Variants in STK3 observed in about 807,000 individuals in gnomAD.
The protein encoded by STK3 is serine/threonine kinase 3.
In STK3, 41 loss-of-function variants were observed where a neutral mutation model predicts 58.0. The observed-to-expected ratio is 0.71, with a 90% CI of 0.55 to 0.92. The LOEUF (loss-of-function observed/expected upper bound fraction) is 0.92. Among genes scored for constraint, STK3 ranks in the 40% least tolerant of loss-of-function variants. The probability of loss-of-function intolerance (pLI) is 0.00; values close to 1 mark genes in which losing one functional copy is unlikely to be tolerated. For synonymous variants in STK3, 170 were observed against 191.0 expected (o/e 0.89, Z 0.91); for missense variants, 479 against 602.7 (o/e 0.79, Z 2.15).
chr8:98,841,074 C>G (rs185986320), intron 3 of STK3, among the ~76,000 whole-genome samples: 88 of 152,342 alleles, frequency 5.8e-4, no homozygotes, highest in African/African-American at 2.0e-3. Context: ...AGCATAGAGG[C>G]TGGCTTCATC....
intron 8 of STK3, among the ~76,000 whole-genome samples, chr8:98,563,823 A>G (rs1812255035): frequency 1.3e-5 from 2 of 152,312 alleles, no homozygotes; most frequent in Non-Finnish European, 2.9e-5. Context: ...AATCCAAAAT[A>G]TAAACTAATA....
At chr8:98,495,817 C>G (rs139355881) in intron 10 of STK3, among the ~76,000 whole-genome samples, 240 of 152,226 alleles carry the variant, frequency 1.6e-3, no homozygotes, top group Non-Finnish European at 2.8e-3. Context: ...TTTTGATAGA[C>G]TTAAAAATCT....
chr8:98,534,181 A>T (rs957801671), intron 9 of STK3, among the ~76,000 whole-genome samples: 13 of 152,232 alleles, frequency 8.5e-5, no homozygotes, highest in African/African-American at 3.1e-4. Context: ...CTCTCAACAC[A>T]ACTGTTTATC....
chr8:98,706,002 T>C (rs1825937835), intron 6 of STK3, among the ~76,000 whole-genome samples: 1 of 151,060 alleles, frequency 6.6e-6, no homozygotes. Context: ...TGCATAGTAA[T>C]ATTAGAAATT....
At chr8:98,698,394 G>C (rs1370747020) in intron 6 of STK3, among the ~76,000 whole-genome samples, 2 of 152,042 alleles carry the variant, frequency 1.3e-5, no homozygotes, top group Non-Finnish European at 2.9e-5. Context: ...GTGTGAATTT[G>C]ATCCTGTCAT....
intron 4 of STK3, among the ~76,000 whole-genome samples, chr8:98,717,110 T>A (rs1827078778): frequency 6.6e-6 from 1 of 151,780 alleles, no homozygotes. Flanking sequence ...GATACCAGAT[T>A]TGGTAATGAT....
At chr8:98,837,030 G>C (rs1835771759) in intron 3 of STK3, among the ~76,000 whole-genome samples, 1 of 152,060 alleles carries the variant, frequency 6.6e-6, no homozygotes, top group African/African-American at 2.4e-5. Context: ...GAAGGAGACT[G>C]AAAAAGGCAA....
At chr8:98,764,449 A>C (rs1355876326) in intron 3 of STK3, among the ~76,000 whole-genome samples, 1 of 152,246 alleles carries the variant, frequency 6.6e-6, no homozygotes, top group East Asian at 1.9e-4. Flanking sequence ...TGAAGAGAAG[A>C]ATAAAGATAG....
intron 10 of STK3, among the ~76,000 whole-genome samples, chr8:98,510,060 A>G (rs1268505555): frequency 6.6e-6 from 1 of 152,072 alleles, no homozygotes; most frequent in African/African-American, 2.4e-5. Flanking sequence ...AAGCTTTTAA[A>G]TGATCCTATC....
At chr8:98,372,360 G>A (rs953478679) in intron 2 of STK3, among the ~76,000 whole-genome samples, 4 of 152,184 alleles carry the variant, frequency 2.6e-5, no homozygotes, top group African/African-American at 9.7e-5. Flanking sequence ...AGAGCCTTAT[G>A]CCTCAGCCAT....
chr8:98,766,891 G>A (rs1830982520), intron 3 of STK3, among the ~76,000 whole-genome samples: 1 of 152,226 alleles, frequency 6.6e-6, no homozygotes, highest in Non-Finnish European at 1.5e-5. Flanking sequence ...GGGAGGCCAA[G>A]GCGGGTGGAT....
intron 7 of STK3, among the ~76,000 whole-genome samples, chr8:98,592,185 C>T (rs951176261): frequency 4.6e-5 from 7 of 152,188 alleles, no homozygotes; most frequent in African/African-American, 9.7e-5. Context: ...TGAGGCATCT[C>T]ATCCTAGGCA....
intron 10 of STK3, among the ~76,000 whole-genome samples, chr8:98,464,473 C>T (rs192138134): frequency 8.3e-6 from 1 of 120,378 alleles, no homozygotes; most frequent in African/African-American, 3.2e-5. Flanking sequence ...TTTAGATATA[C>T]ATAAACAGGC....
intron 9 of STK3, among the ~76,000 whole-genome samples, chr8:98,544,349 T>C (rs1810521677): frequency 1.3e-5 from 2 of 152,198 alleles, no homozygotes; most frequent in African/African-American, 4.8e-5. Context: ...TTTAAACTGT[T>C]TCCTTCCTGT....
intron 10 of STK3, among the ~76,000 whole-genome samples, chr8:98,474,193 G>T (rs548162182): frequency 1.3e-4 from 20 of 152,086 alleles, no homozygotes; most frequent in Admixed American, 1.3e-4. Context: ...CATCTCCCCA[G>T]TCAAAGCCCT....
At chr8:98,453,676 C>T (rs991117419), downstream of STK3, among the ~76,000 whole-genome samples, 2 of 152,248 alleles carry the variant, frequency 1.3e-5, no homozygotes, top group Non-Finnish European at 2.9e-5. Flanking sequence ...GGAGGACTCT[C>T]GAGATTGAAT....
intron 8 of STK3, among the ~76,000 whole-genome samples, chr8:98,554,899 A>G (rs1811479251): frequency 1.3e-5 from 2 of 152,226 alleles, no homozygotes; most frequent in South Asian, 4.2e-4. Flanking sequence ...TTTCAAAATT[A>G]TATTTCACTT....
intron 3 of STK3, among the ~76,000 whole-genome samples, chr8:98,877,772 C>T (rs1232200634): frequency 6.6e-6 from 1 of 151,910 alleles, no homozygotes; most frequent in Non-Finnish European, 1.5e-5. Flanking sequence ...CATGAGCCAC[C>T]GTGCCCAGCC....
chr8:98,480,059 T>A (rs1000756748), intron 10 of STK3, among the ~76,000 whole-genome samples: 2 of 151,658 alleles, frequency 1.3e-5, no homozygotes, highest in African/African-American at 4.9e-5. Context: ...GAGAAAAAAA[T>A]TTAAAAAGAA....
Sources: gnomAD v4.1 joint callset for allele counts (sites outside exome capture counted in the v4.1 genomes callset) on GRCh38, gnomAD v4.1.1 for gene constraint, MANE v1.5 for transcripts, NCBI Gene and HGNC (gene_info 2026-07-23, HGNC 2026-07-21) for gene names.